Variants in MSRB3 observed in about 807,000 individuals in gnomAD.
MSRB3 encodes the protein methionine-R-sulfoxide reductase B3.
A neutral mutation model predicts 21.0 loss-of-function variants in MSRB3; 13 were observed. That is an observed-to-expected ratio of 0.62 (90% CI 0.40 to 0.98). The LOEUF is 0.98. MSRB3 is among the 50% of genes least tolerant of loss of function. MSRB3 has a pLI of 0.00. For missense variants in MSRB3, 199 were observed against 230.3 expected, an observed-to-expected ratio of 0.86 and a Z score of 0.88; for synonymous variants, 87 against 88.6, an observed-to-expected ratio of 0.98 and a Z score of 0.10.
intron 5 of MSRB3, among the ~76,000 whole-genome samples, chr12:65,409,187 T>C (rs1460170032): frequency 2.0e-5 from 3 of 151,762 alleles, no homozygotes; most frequent in Non-Finnish European, 2.9e-5. Context: ...TTTGTGTGTG[T>C]ATATACACAC....
chr12:65,420,120 G>C, intron 5 of MSRB3: 1 of 398,144 alleles, frequency 2.5e-6, no homozygotes, highest in Non-Finnish European at 4.9e-6. Context: ...TTATTCTTCT[G>C]AATGTGGATA....
intron 4 of MSRB3, among the ~76,000 whole-genome samples, chr12:65,364,841 A>C (rs1253204226): frequency 6.6e-6 from 1 of 152,178 alleles, no homozygotes; most frequent in Non-Finnish European, 1.5e-5. Context: ...CCTATCCCCA[A>C]ATTGACAGTT....
chr12:65,376,943 C>T (rs1436996787), intron 5 of MSRB3, among the ~76,000 whole-genome samples: 1 of 152,146 alleles, frequency 6.6e-6, no homozygotes, highest in Non-Finnish European at 1.5e-5. Flanking sequence ...TGCTCTCCTC[C>T]TCCCTCATAT....
intron 5 of MSRB3, among the ~76,000 whole-genome samples, chr12:65,426,125 G>A (rs146858099): frequency 5.9e-4 from 90 of 152,260 alleles, no homozygotes; most frequent in Non-Finnish European, 9.4e-4. Context: ...GCCTCCCAAA[G>A]TGTTGGGATT....
Position 65,402,185 on chromosome 12 carries a change from G to C in MSRB3, c.292+33159G>C, listed in dbSNP as rs182256115. Among the ~76,000 whole-genome samples the C allele has an allele frequency of 1.9e-3, 282 of 152,200 alleles. 3 individuals carry two copies. The highest frequency in any genetic ancestry group is 6.4e-3 in the African/African-American group (264 of 41,518). ...CTTGCTAGGTTGGGGAAGTTCTCCT[G>C]GATATTTTCCTGAAGAGTGTTTTCC... is the stretch of plus-strand genomic sequence containing the variant. On this transcript the variant is annotated intron_variant, in intron 5 of 6. Coordinates refer to ENST00000308259, the MANE Select transcript of MSRB3 (RefSeq NM_001031679.3).
rs1258421824 is a variant in MSRB3 at position 65,465,646 on chromosome 12, A to T, written c.*2324A>T. 2 of 151,984 alleles carry T rather than the reference A, an allele frequency of 1.3e-5. No individual in the cohort carries two copies. The highest frequency in any genetic ancestry group is 4.8e-5 in the African/African-American group (2 of 41,374). 9.4% of individuals were successfully genotyped at this position (151,984 alleles called of 1,614,324 possible). On this transcript the variant is annotated 3_prime_UTR_variant, in exon 7 of 7. Transcript: ENST00000308259. ...GCTCTGGTCTTATCTGGATGCTCAG[A>T]TAAGAGGTTTCTATCTGAGCATCCA...
At chr12:65,452,844 C>A (rs924854730) in intron 5 of MSRB3, among the ~76,000 whole-genome samples, 1 of 152,242 alleles carries the variant, frequency 6.6e-6, no homozygotes, top group South Asian at 2.1e-4. Context: ...AAAAATTGCA[C>A]CAGCACTTCA....
chr12:65,422,135 G>A (rs140732666), intron 5 of MSRB3, among the ~76,000 whole-genome samples: 4,871 of 151,334 alleles, frequency 0.032, 112 homozygotes, highest in Non-Finnish European at 0.05. Flanking sequence ...AGACAAAGAA[G>A]GGCATTACAT....
chr12:65,418,404 C>T (rs1348426627), intron 5 of MSRB3, among the ~76,000 whole-genome samples: 2 of 152,188 alleles, frequency 1.3e-5, no homozygotes, highest in South Asian at 2.1e-4. Context: ...GTATATTACA[C>T]TCTTATCAGA....
chr12:65,400,210 C>A (rs1357912677), intron 5 of MSRB3, among the ~76,000 whole-genome samples: 2 of 150,178 alleles, frequency 1.3e-5, no homozygotes, highest in Non-Finnish European at 3.0e-5. Flanking sequence ...TGGTAGAATT[C>A]ATCAGTGAAT....
chr12:65,422,162 A>T (rs1289384063), intron 5 of MSRB3, among the ~76,000 whole-genome samples: 1 of 151,908 alleles, frequency 6.6e-6, no homozygotes, highest in Admixed American at 6.6e-5. Flanking sequence ...AAAGGGCTCA[A>T]TTCAATAAGA....
chr12:65,384,200 A>T (rs1203653235), intron 5 of MSRB3, among the ~76,000 whole-genome samples: 3 of 152,176 alleles, frequency 2.0e-5, no homozygotes, highest in African/African-American at 7.2e-5. Flanking sequence ...ATTGATAGGA[A>T]CTGCCTTTTC....
At chr12:65,427,697 C>T (rs1481426095) in intron 5 of MSRB3, among the ~76,000 whole-genome samples, 2 of 152,084 alleles carry the variant, frequency 1.3e-5, no homozygotes, top group Non-Finnish European at 2.9e-5. Flanking sequence ...ACTCTCACTG[C>T]CACACTGATA....
chr12:65,396,052 T>C (rs1355049657), intron 5 of MSRB3, among the ~76,000 whole-genome samples: 2 of 152,190 alleles, frequency 1.3e-5, no homozygotes, highest in Non-Finnish European at 2.9e-5. Flanking sequence ...CTGTAGATTG[T>C]TTGCTGTTCC....
chr12:65,419,504 C>T, intron 5 of MSRB3: 1 of 740,798 alleles, frequency 1.3e-6, no homozygotes. Flanking sequence ...TGGCGCATGG[C>T]CAGCTCTGTG....
intron 4 of MSRB3, among the ~76,000 whole-genome samples, chr12:65,352,224 C>T (rs549696416): frequency 6.6e-6 from 1 of 152,268 alleles, no homozygotes; most frequent in African/African-American, 2.4e-5. Context: ...ACATAATTAT[C>T]TCAATAGATG....
chr12:65,350,974 T>C (rs1410407793), intron 4 of MSRB3, among the ~76,000 whole-genome samples: 3 of 149,118 alleles, frequency 2.0e-5, no homozygotes, highest in Non-Finnish European at 4.5e-5. Flanking sequence ...AATAGACATC[T>C]ACAGAACTCT....
At chr12:65,332,687 CACTT>C (rs1447712914) in intron 4 of MSRB3, among the ~76,000 whole-genome samples, 1 of 152,124 alleles carries the variant, frequency 6.6e-6, no homozygotes, top group Non-Finnish European at 1.5e-5. Context: ...ATTTTATTCA[CACTT>C]AAAGTATATG....
intron 4 of MSRB3, among the ~76,000 whole-genome samples, chr12:65,347,919 A>G (rs1365466184): frequency 6.6e-6 from 1 of 152,116 alleles, no homozygotes; most frequent in Non-Finnish European, 1.5e-5. Flanking sequence ...CCAGCCTTGT[A>G]TCTCAGGGAT....
Sources: gnomAD v4.1 joint callset for allele counts (sites outside exome capture counted in the v4.1 genomes callset) on GRCh38, gnomAD v4.1.1 for gene constraint, MANE v1.5 for transcripts, NCBI Gene and HGNC (gene_info 2026-07-23, HGNC 2026-07-21) for gene names.